NOTCH2NLR: variants seen among roughly 807,000 people sequenced by gnomAD.
NOTCH2NLR encodes notch 2 N-terminal like R, also known as notch 2 N-terminal like R (pseudogene).
In NOTCH2NLR, 33 loss-of-function variants were observed where a neutral mutation model predicts 35.6. The observed-to-expected ratio is 0.93, with a 90% CI of 0.70 to 1.24. The LOEUF is 1.24. Among genes scored for constraint, NOTCH2NLR ranks in the 50% most tolerant of loss-of-function variants. The probability of loss-of-function intolerance (pLI) is 0.00; values close to 1 mark genes in which losing one functional copy is unlikely to be tolerated. For missense variants in NOTCH2NLR, 276 were observed against 362.2 expected, an observed-to-expected ratio of 0.76 and a Z score of 1.93; for synonymous variants, 103 against 141.0, an observed-to-expected ratio of 0.73 and a Z score of 1.91.
chr1:120,754,285 C>G lies in NOTCH2NLR; in HGVS notation c.74-9343C>G, dbSNP rs1467581990. 8.5e-5 allele frequency among the ~76,000 whole-genome samples: 3 copies of G among 35,296 alleles called. 1 individual carries two copies. Among genetic ancestry groups the G allele is most frequent in the Non-Finnish European group, 1.4e-4 (3 of 20,746 alleles). 23.2% of individuals were successfully genotyped at this position (35,296 alleles called of 152,430 possible). On this transcript the variant is annotated intron_variant, in intron 1 of 4. Transcript: ENST00000624419. ...GGCAAAATTTGTCTTGATAATCGTA[C>G]AAATACAGATAGTGGAACAGAACAG...
Position 120,743,925 on chromosome 1 carries a change from GA to G in NOTCH2NLR, c.73+19677del, listed in dbSNP as rs1358891494. 2.3e-4 allele frequency among the ~76,000 whole-genome samples: 24 copies of G among 102,202 alleles called. 4 individuals are homozygous for G. Among genetic ancestry groups the G allele is most frequent in the Non-Finnish European group, 4.4e-4 (23 of 52,824 alleles). The allele number at this position is 102,202 out of a possible 152,430, so 67.0% of individuals were successfully genotyped here. On this transcript the variant is annotated intron_variant, in intron 1 of 4. Coordinates refer to ENST00000624419, the Ensembl canonical transcript of NOTCH2NLR. ...TTAGGCTTTATTGGTGCACTAAGGAGAAGCAGAGAGGAGAAGCAATTCTTGG... is the reference window on the plus strand; with the variant it reads ...TTAGGCTTTATTGGTGCACTAAGGAGAGCAGAGAGGAGAAGCAATTCTTGG...
intron 2 of NOTCH2NLR, among the ~76,000 whole-genome samples, chr1:120,777,277 T>C: frequency 4.6e-5 from 1 of 21,534 alleles, no homozygotes; most frequent in Middle Eastern, 0.013. Flanking sequence ...AACTTTTAAT[T>C]TGGAAGCATG....
downstream of NOTCH2NLR, among the ~76,000 whole-genome samples, chr1:120,794,123 C>G (rs1387714448): frequency 3.6e-5 from 4 of 110,774 alleles, 1 homozygote; most frequent in African/African-American, 2.2e-4. Context: ...TTTTGATGAG[C>G]TGATAGATGA....
At chr1:120,763,499 A>T in intron 1 of NOTCH2NLR, 129 bp from the exon 2 acceptor site, 1 of 463,108 alleles carries the variant, frequency 2.2e-6, no homozygotes, top group Non-Finnish European at 3.8e-6. Flanking sequence ...TAAAAAACTG[A>T]TTAAAACTCT....
chr1:120,784,910 A>G, intron 2 of NOTCH2NLR, 64 bp from the exon 3 acceptor site: 2 of 1,010,622 alleles, frequency 2.0e-6, no homozygotes, highest in Non-Finnish European at 2.9e-6. Flanking sequence ...GTATTGTTTT[A>G]CTGTAATTTT....
At chr1:120,794,345 A>AT (rs1181671159), downstream of NOTCH2NLR, among the ~76,000 whole-genome samples, 3 of 109,690 alleles carry the variant, frequency 2.7e-5, 1 homozygote, top group Non-Finnish European at 5.1e-5. Flanking sequence ...AAAACCAAGA[A>AT]TTTTGATTGG....
At position 120,785,132 on chromosome 1, in the gene NOTCH2NLR, C is replaced by A. The variant is rs1303277456; in HGVS notation, c.314C>A (p.Thr105Lys). Residue 105 changes from threonine to lysine, a missense_variant, in exon 3 of 5, where the codon ACA becomes AAA. Physicochemically the swap from Thr to Lys is moderately conservative, Grantham distance 78. Coordinates refer to ENST00000624419, the Ensembl canonical transcript of NOTCH2NLR. Reference sequence around the variant, plus strand: ...ACAGGAGAGGACTGCCAGTACTCGACACCTCATCCATGCTTTGTGTCTCGA... The same window carrying A: ...ACAGGAGAGGACTGCCAGTACTCGAAACCTCATCCATGCTTTGTGTCTCGA... The A allele has an allele frequency of 9.0e-6, 13 of 1,446,564 alleles. 3 individuals carry two copies. The highest frequency in any genetic ancestry group is 1.2e-5 in the Non-Finnish European group (13 of 1,082,422). 89.6% of individuals were successfully genotyped at this position (1,446,564 alleles called of 1,614,324 possible).
intron 3 of NOTCH2NLR, among the ~76,000 whole-genome samples, chr1:120,791,735 A>T (rs1372499720): frequency 1.5e-5 from 1 of 64,700 alleles, no homozygotes; most frequent in Non-Finnish European, 2.6e-5. Flanking sequence ...AACATGGCAC[A>T]TATATACATA....
At chr1:120,762,470 C>T (rs1651144979) in intron 1 of NOTCH2NLR, among the ~76,000 whole-genome samples, 1 of 108,206 alleles carries the variant, frequency 9.2e-6, no homozygotes, top group Non-Finnish European at 1.8e-5. Flanking sequence ...CCTAGCGTCT[C>T]TCTGATCTTG....
intron 2 of NOTCH2NLR, among the ~76,000 whole-genome samples, chr1:120,778,580 GT>G (rs1412892781): frequency 1.1e-4 from 2 of 18,208 alleles, no homozygotes; most frequent in East Asian, 2.5e-3. Flanking sequence ...TGTTGTTGTT[GT>G]TTTTTTTTGA....
At chr1:120,792,436 C>G (rs1651501980) in intron 3 of NOTCH2NLR, among the ~76,000 whole-genome samples, 2 of 90,734 alleles carry the variant, frequency 2.2e-5, no homozygotes, top group African/African-American at 1.4e-4. Flanking sequence ...GATGACTTTA[C>G]AGAGGTTGGA....
chr1:120,792,547 G>A (rs1450977503), intron 3 of NOTCH2NLR, among the ~76,000 whole-genome samples: 1 of 111,774 alleles, frequency 8.9e-6, no homozygotes, highest in Non-Finnish European at 1.7e-5. Flanking sequence ...TGTCGCCCAG[G>A]CTGGAGTGCA....
At chr1:120,768,677 C>T (rs1651222693) in intron 2 of NOTCH2NLR, among the ~76,000 whole-genome samples, 2 of 99,990 alleles carry the variant, frequency 2.0e-5, no homozygotes, top group Non-Finnish European at 3.6e-5. Flanking sequence ...GGCTTATATC[C>T]CTTCTAGTTT....
At position 120,724,218 on chromosome 1, in the gene NOTCH2NLR, C is replaced by T. The variant is rs1353903876; in HGVS notation, c.41C>T (p.Ala14Val). The T allele has an allele frequency of 2.1e-6, 3 of 1,406,632 alleles. 1 individual carries two copies. Among genetic ancestry groups the T allele is most frequent in the Admixed American group, 4.1e-5 (2 of 48,716 alleles). The allele number at this position is 1,406,632 out of a possible 1,614,324, so 87.1% of individuals were successfully genotyped here. The change falls in exon 1 of 5, where the codon GCG (alanine) becomes GTG (valine). Residue 14 changes from alanine to valine, a missense_variant. Ala to Val is a moderately conservative substitution (Grantham distance 64, BLOSUM62 0). Transcript: ENST00000624419. ...CCCGCTCTGCTGTGGGCGCTGCTGGCGCTCTGGCTGTGCTGGGCGGCCCCC... is the reference window on the plus strand; with the variant it reads ...CCCGCTCTGCTGTGGGCGCTGCTGGTGCTCTGGCTGTGCTGGGCGGCCCCC...
At chr1:120,726,785 G>C (rs1650819301) in intron 1 of NOTCH2NLR, among the ~76,000 whole-genome samples, 1 of 112,646 alleles carries the variant, frequency 8.9e-6, no homozygotes, top group East Asian at 2.2e-4. Flanking sequence ...GGAGAAGAGT[G>C]ATTCCTAGTC....
intron 2 of NOTCH2NLR, among the ~76,000 whole-genome samples, chr1:120,764,242 G>A (rs1238277435): frequency 1.3e-4 from 15 of 113,376 alleles, no homozygotes; most frequent in South Asian, 5.1e-4. Context: ...GCAAGACTCC[G>A]TCTCAAAAAG....
At position 120,777,473 on chromosome 1, in the gene NOTCH2NLR, G is replaced by C. The variant is rs1169855315; in HGVS notation, c.156-7501G>C. Among the ~76,000 whole-genome samples the C allele has an allele frequency of 9.2e-5, 10 of 108,954 alleles. 3 individuals are homozygous for C. Among genetic ancestry groups the C allele is most frequent in the Non-Finnish European group, 1.4e-4 (8 of 58,212 alleles). 71.5% of individuals were successfully genotyped at this position (108,954 alleles called of 152,430 possible). A position where few individuals can be genotyped will look rare whatever the true frequency, so the allele number is the denominator to read the frequency against. ...TGTGTGTACGTGTGTGAGAGTGAGA[G>C]ATTGTATACTTGTCTTTGTTTCTTC... On this transcript the variant is annotated intron_variant, in intron 2 of 4. Coordinates refer to ENST00000624419, the Ensembl canonical transcript of NOTCH2NLR.
At chr1:120,783,704 A>G in intron 2 of NOTCH2NLR, among the ~76,000 whole-genome samples, 1 of 117,390 alleles carries the variant, frequency 8.5e-6, no homozygotes, top group Non-Finnish European at 1.6e-5. Context: ...TAACAAATGC[A>G]TTTGAGAGAA....
chr1:120,742,312 CGTGTGT>C (rs1209103933), intron 1 of NOTCH2NLR, among the ~76,000 whole-genome samples: 5 of 27,862 alleles, frequency 1.8e-4, no homozygotes, highest in African/African-American at 5.5e-4. Context: ...TGTGTGTGTG[CGTGTGT>C]GTGTGTGTGT....
Sources: allele counts gnomAD v4.1 joint callset (sites outside exome capture counted in the v4.1 genomes callset), GRCh38; gene constraint gnomAD v4.1.1; transcripts MANE v1.5; gene names NCBI Gene and HGNC (gene_info 2026-07-23, HGNC 2026-07-21).